The following NTM variants were observed in gnomAD, a reference collection of about 807,000 sequenced individuals.
The protein encoded by NTM is IgLON family member 2.
NTM carries 13 observed loss-of-function variants against 42.1 expected under a neutral mutation model. That is an observed-to-expected ratio of 0.31 (90% confidence interval 0.20 to 0.49). The LOEUF (loss-of-function observed/expected upper bound fraction) is 0.49, where lower values mean the gene tolerates loss of function less well. Among genes scored for constraint, NTM ranks in the 20% least tolerant of loss-of-function variants. The pLI is 0.99. For synonymous variants in NTM, 187 were observed against 179.2 expected (o/e 1.04, Z -0.35); for missense variants, 373 against 452.8 (o/e 0.82, Z 1.60).
intron 3 of NTM, among the ~76,000 whole-genome samples, chr11:132,148,140 T>G (rs2070978735): frequency 6.6e-6 from 1 of 152,200 alleles, no homozygotes; most frequent in Non-Finnish European, 1.5e-5. Flanking sequence ...AATGGCTGTT[T>G]AAAAAATGAT....
chr11:132,230,882 G>A (rs1439455300), intron 4 of NTM, among the ~76,000 whole-genome samples: 1 of 152,106 alleles, frequency 6.6e-6, no homozygotes, highest in African/African-American at 2.4e-5. Context: ...TAATCAGCTG[G>A]GTGTGGTGAT....
intron 3 of NTM, among the ~76,000 whole-genome samples, chr11:132,187,885 A>G (rs568684001): frequency 5.4e-4 from 83 of 152,338 alleles, no homozygotes; most frequent in Non-Finnish European, 8.7e-4. Context: ...AGAGAGTGAT[A>G]CGTAGGAGAA....
intron 2 of NTM, among the ~76,000 whole-genome samples, chr11:132,032,960 A>G (rs1000853243): frequency 2.6e-5 from 4 of 152,228 alleles, no homozygotes; most frequent in African/African-American, 9.6e-5. Flanking sequence ...ATTTTAGTAA[A>G]CATTTTTGAG....
At chr11:132,204,151 T>C (rs931335122) in intron 3 of NTM, among the ~76,000 whole-genome samples, 2 of 152,168 alleles carry the variant, frequency 1.3e-5, no homozygotes, top group Non-Finnish European at 2.9e-5. Flanking sequence ...GAATATCTAT[T>C]TGTGGGGTTC....
chr11:132,089,290 G>T (rs1239746696), intron 2 of NTM, among the ~76,000 whole-genome samples: 1 of 152,110 alleles, frequency 6.6e-6, no homozygotes, highest in Non-Finnish European at 1.5e-5. Context: ...TGCTTTGATT[G>T]TGCCTTGTTT....
At chr11:132,302,162 G>T (rs1425086088) in intron 4 of NTM, among the ~76,000 whole-genome samples, 3 of 152,134 alleles carry the variant, frequency 2.0e-5, no homozygotes, top group Non-Finnish European at 4.4e-5. Flanking sequence ...CACATATCCA[G>T]CTTGCTTCAT....
intron 1 of NTM, among the ~76,000 whole-genome samples, chr11:131,580,042 A>G (rs940572343): frequency 2.0e-5 from 3 of 152,118 alleles, no homozygotes; most frequent in African/African-American, 7.2e-5. Flanking sequence ...TAATGTACCC[A>G]GAGAGCCTGC....
intron 4 of NTM, among the ~76,000 whole-genome samples, chr11:132,254,065 C>A (rs1229915087): frequency 6.6e-6 from 1 of 152,158 alleles, no homozygotes; most frequent in Admixed American, 6.5e-5. Flanking sequence ...GCCAAAGCCT[C>A]CTCTCACCTG....
intron 1 of NTM, among the ~76,000 whole-genome samples, chr11:131,846,844 C>T (rs372236679): frequency 3.3e-5 from 5 of 152,010 alleles, no homozygotes; most frequent in Admixed American, 2.0e-4. Flanking sequence ...GGCTCAACAA[C>T]AGAAATGCAG....
chr11:132,098,446 C>T (rs1181666278), intron 2 of NTM, among the ~76,000 whole-genome samples: 1 of 152,190 alleles, frequency 6.6e-6, no homozygotes, highest in Non-Finnish European at 1.5e-5. Flanking sequence ...TGTGCTTTTC[C>T]TATAAAGAAG....
At chr11:131,749,940 C>T (rs914175553) in intron 1 of NTM, among the ~76,000 whole-genome samples, 9 of 152,140 alleles carry the variant, frequency 5.9e-5, no homozygotes, top group Non-Finnish European at 1.2e-4. Context: ...GGGCAGACAC[C>T]GAATCTTAAA....
chr11:131,577,956 C>T (rs958929896), intron 1 of NTM, among the ~76,000 whole-genome samples: 6 of 152,130 alleles, frequency 3.9e-5, no homozygotes, highest in Admixed American at 3.3e-4. Context: ...ACACTGAATA[C>T]CAGTAAAATT....
At chr11:131,678,467 C>G (rs1450119414) in intron 1 of NTM, among the ~76,000 whole-genome samples, 1 of 152,224 alleles carries the variant, frequency 6.6e-6, no homozygotes, top group Non-Finnish European at 1.5e-5. Context: ...CTTCTGAGTC[C>G]TGCTTGATCA....
intron 3 of NTM, among the ~76,000 whole-genome samples, chr11:132,149,249 G>C (rs992022961): frequency 4.0e-5 from 4 of 99,982 alleles, no homozygotes; most frequent in African/African-American, 8.4e-5. Flanking sequence ...AAAAAAAAGG[G>C]AAAGAAATAT....
chr11:131,725,022 C>T (rs1284928146), intron 1 of NTM, among the ~76,000 whole-genome samples: 2 of 152,098 alleles, frequency 1.3e-5, no homozygotes, highest in Non-Finnish European at 2.9e-5. Context: ...AAGTTCAGGC[C>T]TATGATCAAG....
At chr11:131,966,008 G>T (rs964046362) in intron 2 of NTM, among the ~76,000 whole-genome samples, 3 of 151,350 alleles carry the variant, frequency 2.0e-5, no homozygotes, top group African/African-American at 7.3e-5. Flanking sequence ...AGGGAGGAAT[G>T]GTATTTGTGC....
chr11:132,034,992 G>GT (rs1378762735), intron 2 of NTM, among the ~76,000 whole-genome samples: 1 of 152,168 alleles, frequency 6.6e-6, no homozygotes, highest in African/African-American at 2.4e-5. Flanking sequence ...TTTTAAACTT[G>GT]TTTATGCTCA....
At chr11:131,752,810 C>A (rs1028039921) in intron 1 of NTM, among the ~76,000 whole-genome samples, 13 of 152,148 alleles carry the variant, frequency 8.5e-5, no homozygotes, top group Admixed American at 7.2e-4. Flanking sequence ...CGCGCATTAC[C>A]ATTCAGGGCA....
chr11:132,053,867 G>T (rs1388376335), intron 2 of NTM, among the ~76,000 whole-genome samples: 1 of 152,150 alleles, frequency 6.6e-6, no homozygotes. Context: ...TTCTCCACTA[G>T]AGTAGTATCA....
Sources: gnomAD v4.1 joint callset for allele counts (sites outside exome capture counted in the v4.1 genomes callset) on GRCh38, gnomAD v4.1.1 for gene constraint, MANE v1.5 for transcripts, NCBI Gene and HGNC (gene_info 2026-07-23, HGNC 2026-07-21) for gene names.